CYP7B1: variants seen among roughly 807,000 people sequenced by gnomAD.
The protein encoded by CYP7B1 is cytochrome P450 7B1.
Under a neutral mutation model 42.7 loss-of-function variants are expected in CYP7B1, and 29 were observed. That is an observed-to-expected ratio of 0.68 (90% confidence interval 0.51 to 0.93). The LOEUF (loss-of-function observed/expected upper bound fraction) is 0.93, where lower values mean the gene tolerates loss of function less well. Ranked by LOEUF, CYP7B1 falls within the 40% of genes least tolerant of loss-of-function variation. The pLI is 0.00. For missense variants in CYP7B1, 655 were observed against 600.5 expected (o/e 1.09, Z -0.95); for synonymous variants, 235 against 218.2 (o/e 1.08, Z -0.68).
intron 1 of CYP7B1, among the ~76,000 whole-genome samples, chr8:64,683,342 G>A (rs1027574371): frequency 1.3e-5 from 2 of 152,168 alleles, no homozygotes; most frequent in Non-Finnish European, 2.9e-5. Flanking sequence ...GCCAGGCACA[G>A]AAAGACAAAC....
intron 1 of CYP7B1, among the ~76,000 whole-genome samples, chr8:64,663,272 A>G (rs1485222944): frequency 6.6e-6 from 1 of 152,242 alleles, no homozygotes; most frequent in African/African-American, 2.4e-5. Flanking sequence ...ATATTGATTC[A>G]TTTTGGTCAA....
Position 64,595,051 on chromosome 8 carries a change from C to T in CYP7B1, c.*1591G>A, listed in dbSNP as rs955691389. On this transcript the variant is annotated 3_prime_UTR_variant, in exon 6 of 6. Transcript: ENST00000310193. ...CCTATTGAGTAATTAAACTCACTAA[C>T]GGCTATCCGCCCAATAACAACAATG... Among the ~76,000 whole-genome samples the T allele has an allele frequency of 4.6e-5, 7 of 152,206 alleles. No individual in the cohort carries two copies. The highest frequency in any genetic ancestry group is 7.2e-5 in the African/African-American group (3 of 41,458).
intron 1 of CYP7B1, among the ~76,000 whole-genome samples, chr8:64,684,473 G>C (rs972664495): frequency 2.0e-5 from 3 of 152,294 alleles, no homozygotes; most frequent in Admixed American, 2.0e-4. Context: ...CCTGTATCAC[G>C]CTTTGTTAAA....
At chr8:64,666,357 C>T (rs1238763367) in intron 1 of CYP7B1, among the ~76,000 whole-genome samples, 1 of 151,856 alleles carries the variant, frequency 6.6e-6, no homozygotes, top group Non-Finnish European at 1.5e-5. Context: ...TTGCAGTCTA[C>T]TGAGGAAAAA....
At chr8:64,606,615 T>A (rs1805286448) in intron 4 of CYP7B1, among the ~76,000 whole-genome samples, 1 of 152,178 alleles carries the variant, frequency 6.6e-6, no homozygotes, top group Non-Finnish European at 1.5e-5. Context: ...CACCACAGTA[T>A]CACAAATGAC....
chr8:64,721,572 T>C (rs1051051264), intron 1 of CYP7B1, among the ~76,000 whole-genome samples: 1 of 152,184 alleles, frequency 6.6e-6, no homozygotes, highest in African/African-American at 2.4e-5. Context: ...AAAAGATTAA[T>C]ATTTGTGATG....
chr8:64,792,473 T>G (rs1318257805), intron 1 of CYP7B1, among the ~76,000 whole-genome samples: 1 of 152,134 alleles, frequency 6.6e-6, no homozygotes, highest in Non-Finnish European at 1.5e-5. Flanking sequence ...GTGGGAAGAA[T>G]CAGAAACCCA....
chr8:64,607,078 C>T (rs1385933812), intron 4 of CYP7B1, among the ~76,000 whole-genome samples: 1 of 152,146 alleles, frequency 6.6e-6, no homozygotes, highest in South Asian at 2.1e-4. Context: ...TTATCCTGCA[C>T]GGTAGAGCAA....
chr8:64,773,302 T>C (rs538381581), intron 1 of CYP7B1, among the ~76,000 whole-genome samples: 1 of 152,352 alleles, frequency 6.6e-6, no homozygotes, highest in Non-Finnish European at 1.5e-5. Context: ...CTTTAATTTC[T>C]TCTAATGTAC....
At chr8:64,766,675 A>C (rs901709887) in intron 1 of CYP7B1, among the ~76,000 whole-genome samples, 1 of 152,148 alleles carries the variant, frequency 6.6e-6, no homozygotes, top group Non-Finnish European at 1.5e-5. Context: ...GAATAGAAAT[A>C]AGCCACCCCC....
intron 4 of CYP7B1, among the ~76,000 whole-genome samples, chr8:64,608,571 AAC>A (rs1269506852): frequency 6.6e-6 from 1 of 152,136 alleles, no homozygotes; most frequent in Non-Finnish European, 1.5e-5. Flanking sequence ...ACTGGGGCTG[AAC>A]ACTGGGTGAT....
chr8:64,750,120 ATGAT>A (rs1807705124), intron 1 of CYP7B1, among the ~76,000 whole-genome samples: 1 of 152,186 alleles, frequency 6.6e-6, no homozygotes, highest in Admixed American at 6.5e-5. Flanking sequence ...CTAACTTTCT[ATGAT>A]TGATTTTCCT....
chr8:64,743,148 AC>A (rs1452384430), intron 1 of CYP7B1, among the ~76,000 whole-genome samples: 3 of 152,320 alleles, frequency 2.0e-5, no homozygotes, highest in Admixed American at 6.5e-5. Flanking sequence ...AAACAAAAAA[AC>A]AAACAAAACA....
In CYP7B1 at chr8:64,615,953, T is replaced by A; in HGVS notation, c.588A>T (p.Ile196=). 1 of 1,613,646 alleles carries A rather than the reference T, an allele frequency of 6.2e-7. No individual in the cohort carries two copies. ...TGTCACAAACAATAACTTTTCCATA[T>A]ATAGTTGTAAATGTGATCTCAAATA... is the stretch of plus-strand genomic sequence containing the variant. ...SIIFEITFTT[I]YGKVIVCDNN... Residue 196 remains isoleucine (I), a synonymous_variant, in exon 3 of 6, where the codon ATA becomes ATT. Transcript: ENST00000310193.
chr8:64,796,144 A>C (rs1804699391), intron 1 of CYP7B1, among the ~76,000 whole-genome samples: 1 of 152,242 alleles, frequency 6.6e-6, no homozygotes, highest in Non-Finnish European at 1.5e-5. Context: ...ATAATGGAAA[A>C]CTGTGCTGAA....
chr8:64,749,478 G>A (rs1807696505), intron 1 of CYP7B1, among the ~76,000 whole-genome samples: 1 of 152,156 alleles, frequency 6.6e-6, no homozygotes. Flanking sequence ...GGTAAATGAT[G>A]ATGGCAAGCT....
intron 1 of CYP7B1, among the ~76,000 whole-genome samples, chr8:64,686,101 T>TA (rs1806635415): frequency 1.4e-5 from 1 of 72,304 alleles, no homozygotes; most frequent in African/African-American, 5.7e-5. Context: ...GGGAGGGAGG[T>TA]GGGGGGGTCA....
chr8:64,647,870 T>C (rs1805977638), intron 1 of CYP7B1, among the ~76,000 whole-genome samples: 1 of 152,164 alleles, frequency 6.6e-6, no homozygotes, highest in Non-Finnish European at 1.5e-5. Context: ...ATATTTAATC[T>C]GGGTAGCCAT....
intron 1 of CYP7B1, among the ~76,000 whole-genome samples, chr8:64,732,626 G>T (rs1169419418): frequency 6.6e-6 from 1 of 152,136 alleles, no homozygotes; most frequent in Non-Finnish European, 1.5e-5. Flanking sequence ...TGAAATGTGA[G>T]AAAGATGAGA....
Sources: allele counts gnomAD v4.1 joint callset (sites outside exome capture counted in the v4.1 genomes callset), GRCh38; gene constraint gnomAD v4.1.1; transcripts MANE v1.5; gene names NCBI Gene and HGNC (gene_info 2026-07-23, HGNC 2026-07-21).